Variants in TRPM6 observed in about 807,000 individuals in gnomAD.
TRPM6 encodes the protein transient receptor potential cation channel subfamily M member 6.
In TRPM6, 111 loss-of-function variants were observed where a neutral mutation model predicts 247.6. That is an observed-to-expected ratio of 0.45 (90% CI 0.38 to 0.52). The LOEUF (loss-of-function observed/expected upper bound fraction) is 0.52, where lower values mean the gene tolerates loss of function less well. TRPM6 is among the 20% of genes least tolerant of loss of function. The probability of loss-of-function intolerance (pLI) is 0.00; values close to 1 mark genes in which losing one functional copy is unlikely to be tolerated. For missense variants in TRPM6, 2,126 were observed against 2,421.5 expected, an observed-to-expected ratio of 0.88 and a Z score of 2.56; for synonymous variants, 892 against 853.8, an observed-to-expected ratio of 1.04 and a Z score of -0.78.
Position 74,722,627 on chromosome 9 carries a change from T to C in TRPM6, c.*1986A>G, listed in dbSNP as rs1014842566. 3.9e-5 allele frequency: 6 copies of C among 152,342 alleles called. No individual in the cohort carries two copies. Among genetic ancestry groups the C allele is most frequent in the Non-Finnish European group, 8.8e-5 (6 of 68,036 alleles). The allele number at this position is 152,342 out of a possible 1,614,324, so 9.4% of individuals were successfully genotyped here. ...CTCTTTCCATAGTTGAGTGCAGCAC[T>C]GAGGTGAGTACCAATTGTTCCTTTA... On this transcript the variant is annotated 3_prime_UTR_variant, in exon 39 of 39. Coordinates refer to ENST00000360774, the MANE Select transcript of TRPM6 (RefSeq NM_017662.5).
At chr9:74,780,289 T>C (rs1827389650) in intron 23 of TRPM6, among the ~76,000 whole-genome samples, 1 of 151,922 alleles carries the variant, frequency 6.6e-6, no homozygotes, top group Non-Finnish European at 1.5e-5. Flanking sequence ...ACCCTGTCTC[T>C]ACTAGAAATA....
At chr9:74,760,263 T>C (rs1826578843) in intron 27 of TRPM6, among the ~76,000 whole-genome samples, 1 of 152,228 alleles carries the variant, frequency 6.6e-6, no homozygotes, top group Non-Finnish European at 1.5e-5. Flanking sequence ...GTGCCCTATA[T>C]AGGTGTACCA....
chr9:74,787,533 G>A (rs779911140), intron 20 of TRPM6, among the ~76,000 whole-genome samples: 1 of 151,840 alleles, frequency 6.6e-6, no homozygotes, highest in Non-Finnish European at 1.5e-5. Flanking sequence ...ACTCCACATA[G>A]GAATTAGCAG....
chr9:74,880,884 A>G (rs1831339591), intron 1 of TRPM6, among the ~76,000 whole-genome samples: 1 of 152,234 alleles, frequency 6.6e-6, no homozygotes, highest in African/African-American at 2.4e-5. Context: ...CAAAACAACG[A>G]GACATCAATT....
chr9:74,856,059 A>G (rs1263677485), intron 2 of TRPM6, among the ~76,000 whole-genome samples: 1 of 152,236 alleles, frequency 6.6e-6, no homozygotes, highest in Non-Finnish European at 1.5e-5. Context: ...GACATTTGGT[A>G]TAATTACAAA....
intron 36 of TRPM6, 41 bp downstream of exon 36, chr9:74,738,366 T>C (rs1471054377): frequency 1.9e-6 from 3 of 1,606,272 alleles, no homozygotes; most frequent in Admixed American, 1.7e-5. Flanking sequence ...CTTTACACTT[T>C]GCCTCATGCT....
chr9:74,852,617 G>A (rs138907742), intron 3 of TRPM6, among the ~76,000 whole-genome samples: 1,988 of 152,206 alleles, frequency 0.013, 38 homozygotes, highest in African/African-American at 0.044. Context: ...TCAGCCTGCC[G>A]AGTGCCTGGG....
intron 2 of TRPM6, among the ~76,000 whole-genome samples, chr9:74,858,154 C>T (rs139508879): frequency 0.018 from 2,782 of 152,148 alleles, 76 homozygotes; most frequent in African/African-American, 0.062. Flanking sequence ...TTTGGGAGGC[C>T]GAGGTGGGTG....
At chr9:74,771,027 A>C (rs1018318485) in intron 25 of TRPM6, among the ~76,000 whole-genome samples, 1 of 150,746 alleles carries the variant, frequency 6.6e-6, no homozygotes, top group African/African-American at 2.4e-5. Flanking sequence ...TGAGAACCCC[A>C]CTCCCCATCC....
At chr9:74,828,108 C>T (rs540250146) in intron 6 of TRPM6, among the ~76,000 whole-genome samples, 159 bp from the exon 7 acceptor site, 31 of 151,962 alleles carry the variant, frequency 2.0e-4, no homozygotes, top group African/African-American at 7.5e-4. Context: ...AATCCCAGCA[C>T]TTTGGGAAGC....
At chr9:74,782,309 A>G in intron 23 of TRPM6, 53 bp downstream of exon 23, 1 of 1,351,344 alleles carries the variant, frequency 7.4e-7, no homozygotes, top group South Asian at 1.2e-5. Flanking sequence ...TCTACTCAAC[A>G]TATCTGCCCA....
chr9:74,796,430 C>T (rs935221264), intron 18 of TRPM6, among the ~76,000 whole-genome samples: 2 of 152,120 alleles, frequency 1.3e-5, no homozygotes, highest in African/African-American at 2.4e-5. Context: ...ATGTCCAAAC[C>T]ACGTCTTTGA....
chr9:74,862,756 C>T (rs1830727994), intron 1 of TRPM6, among the ~76,000 whole-genome samples: 1 of 152,072 alleles, frequency 6.6e-6, no homozygotes, highest in Non-Finnish European at 1.5e-5. Context: ...CCAAGGCGAG[C>T]AAGTCACTTG....
At chr9:74,854,327 G>A (rs141420727) in intron 3 of TRPM6, among the ~76,000 whole-genome samples, 100 of 152,176 alleles carry the variant, frequency 6.6e-4, no homozygotes, top group African/African-American at 2.0e-3. Flanking sequence ...GAGAAGGAGA[G>A]TTTCTAAAGA....
At chr9:74,726,758 C>T (rs781648467) in intron 38 of TRPM6, among the ~76,000 whole-genome samples, 5 of 152,074 alleles carry the variant, frequency 3.3e-5, no homozygotes, top group Non-Finnish European at 5.9e-5. Context: ...GTGAATGAGC[C>T]GGACTCCAGC....
At chr9:74,838,629 G>A (rs1356791861) in intron 5 of TRPM6, among the ~76,000 whole-genome samples, 1 of 152,236 alleles carries the variant, frequency 6.6e-6, no homozygotes, top group Non-Finnish European at 1.5e-5. Context: ...TTCTGCAAGT[G>A]CTACAGGCAG....
At chr9:74,821,239 C>T (rs139812629) in intron 8 of TRPM6, among the ~76,000 whole-genome samples, 4 of 152,248 alleles carry the variant, frequency 2.6e-5, no homozygotes, top group African/African-American at 7.2e-5. Context: ...GAAATAAGCA[C>T]GACATATGCT....
At chr9:74,752,177 A>G (rs1826271008) in intron 29 of TRPM6, 100 bp downstream of exon 29, 1 of 698,292 alleles carries the variant, frequency 1.4e-6, no homozygotes, top group Non-Finnish European at 2.5e-6. Context: ...GTCAATAAAA[A>G]GTAGAAGCCA....
At chr9:74,787,192 G>T (rs1313331854) in intron 20 of TRPM6, among the ~76,000 whole-genome samples, 1 of 152,044 alleles carries the variant, frequency 6.6e-6, no homozygotes, top group Non-Finnish European at 1.5e-5. Context: ...AAAATTAGCT[G>T]GGTGTGGTGG....
Sources: gnomAD v4.1 joint callset for allele counts (sites outside exome capture counted in the v4.1 genomes callset) on GRCh38, gnomAD v4.1.1 for gene constraint, MANE v1.5 for transcripts, NCBI Gene and HGNC (gene_info 2026-07-23, HGNC 2026-07-21) for gene names.